Variants in HMGCLL1 observed in about 807,000 individuals in gnomAD.
The protein encoded by HMGCLL1 is 3-hydroxymethyl-3-methylglutaryl-CoA lyase, cytoplasmic.
HMGCLL1 carries 36 observed loss-of-function variants against 39.1 expected under a neutral mutation model. That is an observed-to-expected ratio of 0.92 (90% CI 0.71 to 1.22). The LOEUF is 1.22. Among genes scored for constraint, HMGCLL1 ranks in the 50% most tolerant of loss-of-function variants. The pLI, the probability that HMGCLL1 is intolerant of heterozygous loss-of-function variation, is 0.00. For synonymous variants in HMGCLL1, 149 were observed against 144.0 expected, an observed-to-expected ratio of 1.03 and a Z score of -0.25; for missense variants, 451 against 416.5, an observed-to-expected ratio of 1.08 and a Z score of -0.72.
At chr6:55,566,222 C>CA (rs1214895987) in intron 1 of HMGCLL1, among the ~76,000 whole-genome samples, 2 of 152,084 alleles carry the variant, frequency 1.3e-5, no homozygotes, top group African/African-American at 4.8e-5. Context: ...CTTCAAGATC[C>CA]AAAAACATTT....
chr6:55,647,540 A>T, the HMGCLL1 span, among the ~76,000 whole-genome samples: 1 of 147,100 alleles, frequency 6.8e-6, no homozygotes, highest in Non-Finnish European at 1.5e-5. Flanking sequence ...ATTGCTTTTT[A>T]GATTTTCTTA....
intron 7 of HMGCLL1, among the ~76,000 whole-genome samples, chr6:55,459,995 G>A (rs1158058310): frequency 6.6e-6 from 1 of 151,944 alleles, no homozygotes; most frequent in Non-Finnish European, 1.5e-5. Context: ...TAGAACATCT[G>A]TAAGTACTAT....
At chr6:55,582,426 A>G (rs1036170684), upstream of HMGCLL1, among the ~76,000 whole-genome samples, 1 of 152,146 alleles carries the variant, frequency 6.6e-6, no homozygotes, top group Non-Finnish European at 1.5e-5. Context: ...TATATCTGAT[A>G]AACATTTCTG....
chr6:55,495,702 C>T, intron 6 of HMGCLL1, 95 bp from the exon 7 acceptor site: 1 of 764,566 alleles, frequency 1.3e-6, no homozygotes, highest in Non-Finnish European at 2.0e-6. Flanking sequence ...GTAAAAATTA[C>T]AACTAATACC....
chr6:55,620,921 T>C, the HMGCLL1 span, among the ~76,000 whole-genome samples: 1 of 152,148 alleles, frequency 6.6e-6, no homozygotes, highest in African/African-American at 2.4e-5. Context: ...TTGCTGAAAA[T>C]GAATTCACTA....
chr6:55,578,221 T>C (rs1329610564), intron 1 of HMGCLL1, among the ~76,000 whole-genome samples: 1 of 152,188 alleles, frequency 6.6e-6, no homozygotes, highest in Non-Finnish European at 1.5e-5. Flanking sequence ...CAATTATCAG[T>C]TATTTAATAT....
chr6:55,444,598 C>A (rs1420462321), intron 7 of HMGCLL1, among the ~76,000 whole-genome samples: 1 of 151,712 alleles, frequency 6.6e-6, no homozygotes, highest in Non-Finnish European at 1.5e-5. Context: ...TTTCTAAAAG[C>A]AAAAAGGATT....
chr6:55,529,629 G>A (rs752412073), intron 3 of HMGCLL1, among the ~76,000 whole-genome samples: 6 of 152,052 alleles, frequency 3.9e-5, no homozygotes, highest in African/African-American at 9.7e-5. Flanking sequence ...CAGAGTGCTC[G>A]ATGACAAACT....
the HMGCLL1 span, among the ~76,000 whole-genome samples, chr6:55,636,438 C>T: frequency 6.6e-6 from 1 of 152,148 alleles, no homozygotes; most frequent in Admixed American, 6.5e-5. Flanking sequence ...ATACCAGTGG[C>T]AACTCACTCA....
At chr6:55,509,681 T>C (rs1293623068) in intron 5 of HMGCLL1, among the ~76,000 whole-genome samples, 1 of 151,882 alleles carries the variant, frequency 6.6e-6, no homozygotes, top group Admixed American at 6.6e-5. Context: ...GAGAATTATA[T>C]AGAGCTGAAT....
the HMGCLL1 span, among the ~76,000 whole-genome samples, chr6:55,660,582 G>C: frequency 2.6e-5 from 4 of 151,896 alleles, no homozygotes; most frequent in African/African-American, 9.7e-5. Flanking sequence ...ATTCCATAGT[G>C]TATATGTACC....
In HMGCLL1 at chr6:55,434,717, A is replaced by C. The variant is rs910225331; in HGVS notation, c.*945T>G. 2.0e-5 allele frequency: 3 copies of C among 152,092 alleles called. No homozygotes were observed. Among genetic ancestry groups the C allele is most frequent in the African/African-American group, 7.2e-5 (3 of 41,434 alleles). The allele number at this position is 152,092 out of a possible 1,614,324, so 9.4% of individuals were successfully genotyped here. A position where few individuals can be genotyped will look rare whatever the true frequency, so the allele number is the denominator to read the frequency against. ...CAACTTCTAAAATAACCACTAAAAAATACACCAAAAAATAATGTGGGTAAG... is the reference window on the plus strand; with the variant it reads ...CAACTTCTAAAATAACCACTAAAAACTACACCAAAAAATAATGTGGGTAAG... On this transcript the variant is annotated 3_prime_UTR_variant, in exon 9 of 9. Transcript: ENST00000274901.
intron 7 of HMGCLL1, among the ~76,000 whole-genome samples, chr6:55,474,084 A>G (rs73447049): frequency 0.08 from 12,134 of 151,502 alleles, 1,576 homozygotes; most frequent in African/African-American, 0.28. Context: ...ATGCCTAGCT[A>G]TTGATTTTCA....
intron 1 of HMGCLL1, among the ~76,000 whole-genome samples, chr6:55,554,430 G>A (rs763066263): frequency 6.6e-6 from 1 of 151,874 alleles, no homozygotes; most frequent in African/African-American, 2.4e-5. Flanking sequence ...ACAGGATAAG[G>A]TTTGAATTGA....
At chr6:55,448,245 A>G (rs1763937963) in intron 7 of HMGCLL1, among the ~76,000 whole-genome samples, 1 of 151,702 alleles carries the variant, frequency 6.6e-6, no homozygotes, top group East Asian at 1.9e-4. Context: ...AAAAATAGAG[A>G]CAGAGTTGAT....
chr6:55,674,793 T>C, the HMGCLL1 span, among the ~76,000 whole-genome samples: 1 of 151,966 alleles, frequency 6.6e-6, no homozygotes, highest in Non-Finnish European at 1.5e-5. Flanking sequence ...GACAGACTTA[T>C]TGTAAGAGCA....
intron 7 of HMGCLL1, among the ~76,000 whole-genome samples, chr6:55,486,570 T>C (rs1442357468): frequency 1.3e-5 from 2 of 152,122 alleles, no homozygotes; most frequent in Non-Finnish European, 2.9e-5. Context: ...AATATTTTAA[T>C]GACATCCACC....
intron 7 of HMGCLL1, among the ~76,000 whole-genome samples, chr6:55,440,002 G>C (rs1337577550): frequency 1.3e-5 from 2 of 152,252 alleles, no homozygotes; most frequent in Admixed American, 6.5e-5. Context: ...GAGGGCAGGG[G>C]AGAGAGAAGT....
At chr6:55,627,027 G>A in the HMGCLL1 span, among the ~76,000 whole-genome samples, 3 of 120,268 alleles carry the variant, frequency 2.5e-5, no homozygotes, top group African/African-American at 9.5e-5. Flanking sequence ...CTTCAGGAAT[G>A]AAGGTTTGGG....
Sources: allele counts gnomAD v4.1 joint callset (sites outside exome capture counted in the v4.1 genomes callset), GRCh38; gene constraint gnomAD v4.1.1; transcripts MANE v1.5; gene names NCBI Gene and HGNC (gene_info 2026-07-23, HGNC 2026-07-21).